FNDC7: variants seen among roughly 807,000 people sequenced by gnomAD.
FNDC7 encodes the protein fibronectin type III domain containing 7.
Under a neutral mutation model 74.2 loss-of-function variants are expected in FNDC7, and 66 were observed. The ratio of observed to expected loss-of-function variants is 0.89; its 90% CI spans 0.73 to 1.09. The LOEUF is 1.09. Ranked by LOEUF, FNDC7 falls within the 50% of genes least tolerant of loss-of-function variation. The pLI, the probability that FNDC7 is intolerant of heterozygous loss-of-function variation, is 0.00. For synonymous variants in FNDC7, 307 were observed against 330.2 expected (o/e 0.93, Z 0.76); for missense variants, 829 against 893.4 (o/e 0.93, Z 0.92).
Position 108,741,906 on chromosome 1 carries a change from T to A in FNDC7, c.*38-19T>A. ...AGTTTTTTGTCTTTGTTTAAAATGTTTTCCCATTTGTCTTGCAGAGTTGTC... is the reference window on the plus strand; with the variant it reads ...AGTTTTTTGTCTTTGTTTAAAATGTATTCCCATTTGTCTTGCAGAGTTGTC... On this transcript the variant is annotated intron_variant, in intron 12 of 12. Transcript: ENST00000370017. The A allele has an allele frequency of 8.2e-7, 1 of 1,218,176 alleles. No homozygotes were observed. Among genetic ancestry groups the A allele is most frequent in the South Asian group, 1.3e-5 (1 of 78,728 alleles). 75.5% of individuals were successfully genotyped at this position (1,218,176 alleles called of 1,614,324 possible).
chr1:108,719,280 G>A (rs1043335250), intron 4 of FNDC7, among the ~76,000 whole-genome samples: 2 of 152,124 alleles, frequency 1.3e-5, no homozygotes, highest in African/African-American at 2.4e-5. Flanking sequence ...GCATGGCTCC[G>A]CCCTCTAATA....
intron 4 of FNDC7, 43 bp downstream of exon 4, chr1:108,719,092 T>A: frequency 6.5e-7 from 1 of 1,547,414 alleles, no homozygotes; most frequent in Non-Finnish European, 8.7e-7. Flanking sequence ...CTACTTTTGA[T>A]TAATGAGGGG....
intron 8 of FNDC7, 54 bp from the exon 9 acceptor site, chr1:108,730,620 A>G: frequency 2.0e-6 from 3 of 1,495,158 alleles, no homozygotes; most frequent in Non-Finnish European, 2.7e-6. Flanking sequence ...ATTTTTCACA[A>G]ATAATCTTCA....
chr1:108,730,950 A>G lies in FNDC7; in HGVS notation c.1879+22A>G, dbSNP rs759652108. ...TCTGGTAAGTGAACTCTAGCTCTAG[A>G]GTAGCAGTAAGGACTTGACTATTAT... On this transcript the variant is annotated intron_variant, in intron 9 of 12. Transcript: ENST00000370017. The G allele has an allele frequency of 4.4e-6, 7 of 1,589,152 alleles. No individual in the cohort carries two copies. The South Asian group carries it at 4.7e-5, about 11-fold the overall frequency.
At position 108,731,771 on chromosome 1, in the gene FNDC7, A is replaced by C. The variant is rs144800361; in HGVS notation, c.1879+843A>C. Among the ~76,000 whole-genome samples the C allele has an allele frequency of 4.0e-3, 609 of 152,348 alleles. 6 individuals carry two copies. The highest frequency in any genetic ancestry group is 0.014 in the Middle Eastern group (4 of 294). On this transcript the variant is annotated intron_variant, in intron 9 of 12. Coordinates refer to ENST00000370017, the MANE Select transcript of FNDC7 (RefSeq NM_001144937.3). Reference sequence around the variant, plus strand: ...CCTTCGAAGTTGTTTTGAGAATCAAAATAAATCATAATGTGAGAACATTCA... The same window carrying C: ...CCTTCGAAGTTGTTTTGAGAATCAACATAAATCATAATGTGAGAACATTCA...
chr1:108,739,435 G>A (rs1661587443), intron 11 of FNDC7, among the ~76,000 whole-genome samples: 1 of 152,218 alleles, frequency 6.6e-6, no homozygotes, highest in African/African-American at 2.4e-5. Context: ...TTGAGGCTGG[G>A]AATTCAAGGC....
intron 5 of FNDC7, among the ~76,000 whole-genome samples, chr1:108,725,088 AT>A (rs1391935986): frequency 2.6e-5 from 4 of 151,944 alleles, no homozygotes; most frequent in African/African-American, 7.2e-5. Context: ...CTCAAAAAAA[AT>A]AATAAATAAA....
chr1:108,733,928 G>A (rs1661453472), intron 10 of FNDC7, among the ~76,000 whole-genome samples: 1 of 152,154 alleles, frequency 6.6e-6, no homozygotes, highest in African/African-American at 2.4e-5. Flanking sequence ...GGGATTACAG[G>A]CATGAACCAC....
At chr1:108,732,475 C>A (rs1661410370) in intron 9 of FNDC7, among the ~76,000 whole-genome samples, 1 of 152,050 alleles carries the variant, frequency 6.6e-6, no homozygotes, top group Admixed American at 6.5e-5. Context: ...ATTGGTTCTT[C>A]AATTAAGGCT....
intron 8 of FNDC7, among the ~76,000 whole-genome samples, 167 bp downstream of exon 8, chr1:108,729,053 A>G (rs1157814697): frequency 2.0e-5 from 3 of 152,274 alleles, no homozygotes; most frequent in Non-Finnish European, 4.4e-5. Context: ...TCAATATTTT[A>G]CAAGTTCTGT....
At chr1:108,730,248 G>A (rs1044490911) in intron 8 of FNDC7, among the ~76,000 whole-genome samples, 1 of 151,936 alleles carries the variant, frequency 6.6e-6, no homozygotes, top group South Asian at 2.1e-4. Flanking sequence ...ATGGTGGCAC[G>A]CACCTGTAGT....
Position 108,733,279 on chromosome 1 carries a change from C to T in FNDC7, c.1887C>T (p.Cys629=). ...CSYQSYFSGA[C]CPLGVKLYRL... ...GTTATTTTTATTGCCTAGGTGCCTG[C>T]TGCCCTTTGGGGGTGAAATTATATA... The change falls in exon 10 of 13, where the codon TGC becomes TGT. Residue 629 remains cysteine, a synonymous_variant. Transcript: ENST00000370017. 6.2e-7 allele frequency: 1 copy of T among 1,606,690 alleles called. No homozygotes were observed. The highest frequency in any genetic ancestry group is 1.1e-5 in the South Asian group (1 of 90,992).
chr1:108,716,682 C>T (rs928245001), intron 2 of FNDC7, among the ~76,000 whole-genome samples: 13 of 152,036 alleles, frequency 8.6e-5, no homozygotes, highest in African/African-American at 2.2e-4. Flanking sequence ...TTGTCTGTAT[C>T]GTGCACATAG....
chr1:108,722,615 G>T (rs1384441194), intron 5 of FNDC7, 23 bp downstream of exon 5: 1 of 1,594,942 alleles, frequency 6.3e-7, no homozygotes, highest in African/African-American at 1.3e-5. Flanking sequence ...GAGTGAGACT[G>T]CTGTCGGGCT....
rs376320774 is a variant in FNDC7, at chr1:108,725,966, G to T, written c.1073G>T (p.Gly358Val). The change falls in exon 6 of 13, where the codon GGG (glycine) becomes GTG (valine). Residue 358 changes from glycine to valine, a missense_variant. Coordinates refer to ENST00000370017, the MANE Select transcript of FNDC7 (RefSeq NM_001144937.3). ...FISVFVYNKAGQSPLGDIFNY... is the reference protein window; with the variant it reads ...FISVFVYNKAVQSPLGDIFNY... ...AGTGTTTTTGTCTATAACAAGGCAG[G>T]GCAAAGTCCTTTGGGTGACATATTC... The T allele has an allele frequency of 3.1e-6, 5 of 1,614,110 alleles. No individual in the cohort carries two copies. Among genetic ancestry groups the T allele is most frequent in the Middle Eastern group, 1.6e-4 (1 of 6,062 alleles).
intron 1 of FNDC7, 50 bp downstream of exon 1, chr1:108,713,046 GAC>G (rs1454376541): frequency 2.7e-6 from 4 of 1,476,348 alleles, no homozygotes; most frequent in Admixed American, 2.1e-5. Flanking sequence ...AAAAAAGAAA[GAC>G]ACATTATTTT....
At chr1:108,733,757 T>G (rs1054000091) in intron 10 of FNDC7, among the ~76,000 whole-genome samples, 2 of 151,078 alleles carry the variant, frequency 1.3e-5, no homozygotes, top group Non-Finnish European at 2.9e-5. Flanking sequence ...GTCAAGCAAT[T>G]CTCCTGCCTC....
Position 108,742,123 on chromosome 1 carries a change from C to G in FNDC7, c.*236C>G, listed in dbSNP as rs1265566325. 2.7e-6 allele frequency: 1 copy of G among 366,446 alleles called. No homozygotes were observed. Among genetic ancestry groups the G allele is most frequent in the Non-Finnish European group, 5.0e-6 (1 of 201,906 alleles). The allele number at this position is 366,446 out of a possible 1,614,324, so 22.7% of individuals were successfully genotyped here. On this transcript the variant is annotated 3_prime_UTR_variant, in exon 13 of 13. Transcript: ENST00000370017. ...GTGAGGACTCTGGAGAGAAATGAAT[C>G]CAGAAAGTCCCCTGGACGGCTGCTA... is the stretch of plus-strand genomic sequence containing the variant.
Position 108,725,775 on chromosome 1 carries a change from G to A in FNDC7, c.882G>A (p.Thr294=), listed in dbSNP as rs773585731. The A allele has an allele frequency of 6.5e-5, 105 of 1,613,946 alleles. 1 individual carries two copies. The highest frequency in any genetic ancestry group is 1.9e-4 in the South Asian group (17 of 91,064). The stretch of plus-strand genomic sequence containing the variant: ...TTGCTTGTGCACCCGGAAGAGTGAC[G>A]ATCCAAGAAGATCCCCCTGGCCACC... ...KTVACAPGRV[T]IQEDPPGHLS... is the part of the protein sequence containing the mutation. The change falls in exon 6 of 13, where the codon ACG becomes ACA. Residue 294 remains threonine, a synonymous_variant. Transcript: ENST00000370017.
Sources: allele counts gnomAD v4.1 joint callset (sites outside exome capture counted in the v4.1 genomes callset), GRCh38; gene constraint gnomAD v4.1.1; transcripts MANE v1.5; gene names NCBI Gene and HGNC (gene_info 2026-07-23, HGNC 2026-07-21).